The following CDK10 variants were observed in gnomAD, a reference collection of about 807,000 sequenced individuals.
CDK10 encodes the protein cyclin-dependent kinase 10.
In CDK10, 55 loss-of-function variants were observed where a neutral mutation model predicts 51.0. The ratio of observed to expected loss-of-function variants is 1.08; its 90% CI spans 0.87 to 1.35. CDK10 has a LOEUF of 1.35. CDK10 is among the 40% of genes most tolerant of loss of function. CDK10 has a pLI of 0.00. For missense variants in CDK10, 589 were observed against 485.1 expected, an observed-to-expected ratio of 1.21 and a Z score of -2.01; for synonymous variants, 255 against 199.1, an observed-to-expected ratio of 1.28 and a Z score of -2.36.
intron 5 of CDK10, 182 bp downstream of exon 5, chr16:89,692,069 G>A (rs976515333): frequency 2.9e-5 from 18 of 624,212 alleles, no homozygotes; most frequent in Admixed American, 8.6e-5. Flanking sequence ...TGCTGGGAGC[G>A]GGCAGCCCCA....
At position 89,691,896 on chromosome 16, in the gene CDK10, C is replaced by G. The variant is rs1330245483; in HGVS notation, c.417+9C>G. The G allele has an allele frequency of 1.2e-6, 2 of 1,613,132 alleles. No homozygotes were observed. The highest frequency in any genetic ancestry group is 1.7e-6 in the Non-Finnish European group (2 of 1,179,318). On this transcript the variant is annotated intron_variant, in intron 5 of 12. Coordinates refer to ENST00000353379, the MANE Select transcript of CDK10 (RefSeq NM_052988.5). Reference sequence around the variant, plus strand: ...CCTTCTCGGAGGCTCAGGTGCGTGGCAGAGGGGCCTGGGGTGGGGGAATGG... The same window carrying G: ...CCTTCTCGGAGGCTCAGGTGCGTGGGAGAGGGGCCTGGGGTGGGGGAATGG...
chr16:89,689,007 G>T (rs1387215262), intron 1 of CDK10, among the ~76,000 whole-genome samples: 1 of 152,164 alleles, frequency 6.6e-6, no homozygotes, highest in Non-Finnish European at 1.5e-5. Context: ...GGCTGAGGCC[G>T]GAGAATCACT....
Position 89,690,665 on chromosome 16 carries a change from G to GAGGCAGA in CDK10, c.232+45_232+51dup, listed in dbSNP as rs772486858. 3 of 1,524,854 alleles carry GAGGCAGA rather than the reference G, an allele frequency of 2.0e-6. No individual in the cohort carries two copies. In the South Asian group the frequency reaches 3.4e-5, roughly 17 times the overall value. 94.5% of individuals were successfully genotyped at this position (1,524,854 alleles called of 1,614,324 possible). On this transcript the variant is annotated intron_variant, in intron 3 of 12. Coordinates refer to ENST00000353379, the MANE Select transcript of CDK10 (RefSeq NM_052988.5). Reference sequence around the variant, plus strand: ...GGGTGTTGGGACCTCGCACTGGGAGGAGGCAGAAGGATGTGAGTTACCTGA... The same window carrying GAGGCAGA: ...GGGTGTTGGGACCTCGCACTGGGAGGAGGCAGAAGGCAGAAGGATGTGAGTTACCTGA...
intron 6 of CDK10, among the ~76,000 whole-genome samples, chr16:89,693,039 G>A (rs1224059107): frequency 7.3e-5 from 11 of 151,644 alleles, no homozygotes; most frequent in Non-Finnish European, 1.3e-4. Context: ...TTGGGAGGCC[G>A]AGGCAGGAGA....
chr16:89,695,991 C>A lies in CDK10; in HGVS notation c.*299C>A. ...TCCTCGCTATGTTGGAAATGTGCAA[C>A]CACTGCTTCTTGGGAGGAGTGGTGG... On this transcript the variant is annotated 3_prime_UTR_variant, in exon 13 of 13. Transcript: ENST00000353379. The A allele has an allele frequency of 1.6e-6, 1 of 608,928 alleles. No homozygotes were observed. Among genetic ancestry groups the A allele is most frequent in the East Asian group, 2.8e-5 (1 of 36,290 alleles). 37.7% of individuals were successfully genotyped at this position (608,928 alleles called of 1,614,324 possible).
chr16:89,695,255 C>T, intron 11 of CDK10, 38 bp from the exon 12 acceptor site: 1 of 1,586,686 alleles, frequency 6.3e-7, no homozygotes, highest in Non-Finnish European at 8.6e-7. Flanking sequence ...GAGGAAGCCG[C>T]ACTCACAAGT....
At chr16:89,688,402 A>G (rs1221359148) in intron 1 of CDK10, among the ~76,000 whole-genome samples, 2 of 152,110 alleles carry the variant, frequency 1.3e-5, no homozygotes, top group African/African-American at 4.8e-5. Context: ...TCTTAGATCC[A>G]TGGAGAAGGA....
intron 8 of CDK10, chr16:89,693,688 A>G: frequency 1.7e-6 from 1 of 593,858 alleles, no homozygotes; most frequent in Admixed American, 3.0e-5. Context: ...GCCTGCCTAG[A>G]TCAGACACAC....
intron 1 of CDK10, chr16:89,687,194 T>G: frequency 4.0e-6 from 1 of 251,728 alleles, no homozygotes; most frequent in South Asian, 4.2e-5. Context: ...AGGCTCCCGC[T>G]GGGCTTGGGC....
chr16:89,687,669 T>A, intron 1 of CDK10: 1 of 440,380 alleles, frequency 2.3e-6, no homozygotes. Context: ...GCTCAAGTGA[T>A]CTTCCTGCCT....
Position 89,695,643 on chromosome 16 carries a change from G to C in CDK10, c.1034G>C (p.Arg345Pro). 1 of 1,605,246 alleles carries C rather than the reference G, an allele frequency of 6.2e-7. No homozygotes were observed. The highest frequency in any genetic ancestry group is 8.5e-7 in the Non-Finnish European group (1 of 1,177,560). Reference protein sequence around the residue: ...MPTFPHHRNKRAAPATSEGQS... With the variant: ...MPTFPHHRNKPAAPATSEGQS... Reference sequence around the variant, plus strand: ...ACCTTTCCCCACCACCGCAACAAGCGGGCCGCCCCAGCCACCTCCGAGGGC... The same window carrying C: ...ACCTTTCCCCACCACCGCAACAAGCCGGCCGCCCCAGCCACCTCCGAGGGC... The change falls in exon 13 of 13, where the codon CGG (arginine) becomes CCG (proline). Residue 345 changes from arginine to proline, a missense_variant. Transcript: ENST00000353379.
In CDK10 at chr16:89,689,113, A is replaced by C. The variant is rs145783925; in HGVS notation, c.88-139A>C. On this transcript the variant is annotated intron_variant, in intron 1 of 12. Transcript: ENST00000353379. Reference sequence around the variant, plus strand: ...AGACTCAGTCTCAAAAAAAGAAAAAAAAAGCCCAAACGTGTGGTTGCCTTT... The same window carrying C: ...AGACTCAGTCTCAAAAAAAGAAAAACAAAGCCCAAACGTGTGGTTGCCTTT... 1.5e-5 allele frequency: 11 copies of C among 725,760 alleles called. No homozygotes were observed. The East Asian group carries it at 2.2e-4, about 14-fold the overall frequency. The allele number at this position is 725,760 out of a possible 1,614,324, so 45.0% of individuals were successfully genotyped here. A position where few individuals can be genotyped will look rare whatever the true frequency, so the allele number is the denominator to read the frequency against.
At chr16:89,692,740 A>G (rs1437189487) in intron 6 of CDK10, 3 of 394,318 alleles carry the variant, frequency 7.6e-6, no homozygotes, top group East Asian at 4.1e-5. Context: ...TGGCCTCCCA[A>G]AGTGCTGGGA....
At position 89,694,245 on chromosome 16, in the gene CDK10, G is replaced by C. The variant is rs753587036; in HGVS notation, c.668+13G>C. ...GCATCGACATGTGGTGAGGAGATAC[G>C]GTTACCGCTCCTGGGGCCTCAGGAA... On this transcript the variant is annotated intron_variant, in intron 9 of 12. Transcript: ENST00000353379. The C allele has an allele frequency of 5.6e-6, 9 of 1,613,306 alleles. No homozygotes were observed. The highest frequency in any genetic ancestry group is 7.6e-6 in the Non-Finnish European group (9 of 1,179,510).
Position 89,693,478 on chromosome 16 carries a change from C to T in CDK10, c.608+11C>T, listed in dbSNP as rs1444065068. On this transcript the variant is annotated intron_variant, in intron 8 of 12. Transcript: ENST00000353379. ...GGTGGTCACTCTCTGGTAAGTCCTT[C>T]TGAAGCATGGTGGCCCCTGGGGACC... The T allele has an allele frequency of 4.3e-6, 7 of 1,610,352 alleles. No homozygotes were observed. The South Asian group carries it at 6.6e-5, about 15-fold the overall frequency.
At chr16:89,692,378 T>G in intron 5 of CDK10, 71 bp from the exon 6 acceptor site, 1 of 1,187,972 alleles carries the variant, frequency 8.4e-7, no homozygotes. Flanking sequence ...CTGGCCAGTG[T>G]GGGTGTGGCA....
In CDK10 at chr16:89,695,053, G is replaced by A; in HGVS notation, c.915G>A (p.Met305Ile). Reference protein sequence around the residue: ...AGLRLLHFLFMYDPKKRATAG... With the variant: ...AGLRLLHFLFIYDPKKRATAG... The stretch of plus-strand genomic sequence containing the variant: ...TGCGCCTGCTGCACTTCCTGTTCAT[G>A]TACGACCCTAAGAAAAGGTGCTGAT... Residue 305 changes from methionine to isoleucine, a missense_variant, in exon 11 of 13, where the codon ATG (methionine) becomes ATA (isoleucine). Transcript: ENST00000353379. 1 of 1,613,016 alleles carries A rather than the reference G, an allele frequency of 6.2e-7. No individual in the cohort carries two copies. Among genetic ancestry groups the A allele is most frequent in the Non-Finnish European group, 8.5e-7 (1 of 1,179,972 alleles).
Position 89,690,600 on chromosome 16 carries a change from G to A in CDK10, c.208G>A (p.Val70Met), listed in dbSNP as rs1323382971. The A allele has an allele frequency of 1.2e-6, 2 of 1,614,062 alleles. No homozygotes were observed. The highest frequency in any genetic ancestry group is 1.1e-5 in the South Asian group (1 of 91,090). Residue 70 changes from valine to methionine, a missense_variant, in exon 3 of 13, where the codon GTG becomes ATG. By Grantham distance (21) the Val-to-Met change is conservative. Coordinates refer to ENST00000353379, the MANE Select transcript of CDK10 (RefSeq NM_052988.5). ...QTDEIVALKK[V>M]RMDKEKDGIP... Reference sequence around the variant, plus strand: ...AGATGAGATTGTCGCACTGAAGAAGGTGCGGATGGACAAGGAGAAGGATGG... The same window carrying A: ...AGATGAGATTGTCGCACTGAAGAAGATGCGGATGGACAAGGAGAAGGATGG...
In CDK10 at chr16:89,686,735, G is replaced by T. The variant is rs188849219; in HGVS notation, c.25G>T (p.Glu9Ter). ...CATGGCGGAGCCAGATCTGGAGTGCGAGCAGATCCGTCTGAAGTGTATTCG... is the reference window on the plus strand; with the variant it reads ...CATGGCGGAGCCAGATCTGGAGTGCTAGCAGATCCGTCTGAAGTGTATTCG... MAEPDLECEQIRLKCIRKE... is the reference protein window; with the variant it reads MAEPDLEC The change falls in exon 1 of 13, where the codon GAG becomes TAG. Residue 9 changes from glutamate to a stop codon, truncating the protein, a stop_gained. Transcript: ENST00000353379. LOFTEE classifies it high-confidence loss of function. 3.7e-6 allele frequency: 6 copies of T among 1,611,128 alleles called. No individual in the cohort carries two copies. Among genetic ancestry groups the T allele is most frequent in the Non-Finnish European group, 4.2e-6 (5 of 1,178,758 alleles).
Sources: allele counts gnomAD v4.1 joint callset (sites outside exome capture counted in the v4.1 genomes callset), GRCh38; gene constraint gnomAD v4.1.1; transcripts MANE v1.5; gene names NCBI Gene and HGNC (gene_info 2026-07-23, HGNC 2026-07-21).